The following VEPH1 variants were observed in gnomAD, a reference collection of about 807,000 sequenced individuals.
The protein encoded by VEPH1 is ventricular zone expressed PH domain containing 1.
VEPH1 carries 80 observed loss-of-function variants against 85.2 expected under a neutral mutation model. The ratio of observed to expected loss-of-function variants is 0.94; its 90% confidence interval spans 0.78 to 1.13. The LOEUF is 1.13. VEPH1 is among the 50% of genes most tolerant of loss of function. The pLI is 0.00. For missense variants in VEPH1, 955 were observed against 980.5 expected (o/e 0.97, Z 0.35); for synonymous variants, 297 against 348.0 (o/e 0.85, Z 1.63).
chr3:157,461,842 C>T (rs957125860), intron 3 of VEPH1, among the ~76,000 whole-genome samples: 16 of 151,908 alleles, frequency 1.1e-4, no homozygotes, highest in Non-Finnish European at 2.9e-5. Context: ...AGGAGAACAT[C>T]TCGATGGCCT....
chr3:157,492,065 GAGGA>G (rs1739257359), intron 2 of VEPH1, among the ~76,000 whole-genome samples: 1 of 152,094 alleles, frequency 6.6e-6, no homozygotes, highest in Non-Finnish European at 1.5e-5. Flanking sequence ...ATTGTCCTTT[GAGGA>G]TTAAACCAAT....
chr3:157,374,412 C>T (rs1164896277), intron 7 of VEPH1, among the ~76,000 whole-genome samples: 1 of 152,240 alleles, frequency 6.6e-6, no homozygotes, highest in African/African-American at 2.4e-5. Flanking sequence ...TGGTTCTGAA[C>T]TGACTCGTGT....
At chr3:157,435,546 T>A (rs1733500816) in intron 4 of VEPH1, among the ~76,000 whole-genome samples, 1 of 152,208 alleles carries the variant, frequency 6.6e-6, no homozygotes, top group African/African-American at 2.4e-5. Context: ...CATGAGGATC[T>A]CCCTTCTAAC....
At chr3:157,324,519 G>GT (rs1320514594) in intron 9 of VEPH1, among the ~76,000 whole-genome samples, 2 of 152,056 alleles carry the variant, frequency 1.3e-5, no homozygotes, top group Admixed American at 6.6e-5. Context: ...ACAGGCCTCA[G>GT]TATGTGTTGC....
At chr3:157,379,961 A>G (rs529261551) in intron 7 of VEPH1, among the ~76,000 whole-genome samples, 12 of 152,348 alleles carry the variant, frequency 7.9e-5, no homozygotes, top group Non-Finnish European at 1.5e-4. Context: ...GATTACATAC[A>G]TAAAGGGCTT....
chr3:157,306,447 A>G (rs186732260), intron 11 of VEPH1, among the ~76,000 whole-genome samples: 60 of 152,240 alleles, frequency 3.9e-4, no homozygotes, highest in Admixed American at 2.0e-3. Flanking sequence ...TTAAAACTCA[A>G]TATCATATTT....
intron 4 of VEPH1, chr3:157,443,083 C>T (rs1734268135): frequency 7.5e-7 from 1 of 1,325,862 alleles, no homozygotes; most frequent in African/African-American, 1.5e-5. Context: ...ACACTTGAGA[C>T]TAATGAAAGA....
intron 12 of VEPH1, among the ~76,000 whole-genome samples, chr3:157,275,444 C>T (rs1372860662): frequency 6.6e-6 from 1 of 151,958 alleles, no homozygotes; most frequent in Non-Finnish European, 1.5e-5. Flanking sequence ...GGTGTGGTGG[C>T]ATGCGCCTGT....
intron 7 of VEPH1, among the ~76,000 whole-genome samples, chr3:157,368,570 C>T (rs1727005480): frequency 6.6e-6 from 1 of 152,048 alleles, no homozygotes; most frequent in Admixed American, 6.5e-5. Context: ...TGGCTCACTG[C>T]AAGCTCTGCT....
At chr3:157,492,460 G>A (rs542341927) in intron 2 of VEPH1, among the ~76,000 whole-genome samples, 1 of 152,280 alleles carries the variant, frequency 6.6e-6, no homozygotes, top group South Asian at 2.1e-4. Flanking sequence ...GCTACAACAT[G>A]AGGTGCTGTA....
intron 4 of VEPH1, among the ~76,000 whole-genome samples, chr3:157,434,495 GCAGATGAGGGT>G (rs765396025): frequency 3.3e-5 from 5 of 151,858 alleles, no homozygotes; most frequent in Non-Finnish European, 7.4e-5. Context: ...AATTTTTTGT[GCAGATGAGGGT>G]CTTGCTATGT....
chr3:157,488,678 T>C (rs1048356552), intron 2 of VEPH1, among the ~76,000 whole-genome samples: 5 of 151,938 alleles, frequency 3.3e-5, no homozygotes, highest in Admixed American at 1.3e-4. Context: ...AAAATTATAA[T>C]GGCCAGCCCA....
intron 7 of VEPH1, among the ~76,000 whole-genome samples, chr3:157,366,141 A>G (rs1295262255): frequency 6.6e-6 from 1 of 152,236 alleles, no homozygotes; most frequent in Non-Finnish European, 1.5e-5. Flanking sequence ...CTGAGGGTTT[A>G]GGAGCTGTAT....
chr3:157,380,325 T>G (rs886681956), intron 7 of VEPH1, among the ~76,000 whole-genome samples: 2 of 152,156 alleles, frequency 1.3e-5, no homozygotes, highest in African/African-American at 4.8e-5. Context: ...CTGGACTGAT[T>G]ATACCCTGCC....
At chr3:157,452,450 G>A (rs1735050823) in intron 4 of VEPH1, among the ~76,000 whole-genome samples, 2 of 152,180 alleles carry the variant, frequency 1.3e-5, no homozygotes, top group African/African-American at 4.8e-5. Context: ...CACAAGGGGA[G>A]AACCTCTAAT....
rs565204787 is a variant in VEPH1 at position 157,295,440 on chromosome 3, TA to T, written c.2011-8767del. Among the ~76,000 whole-genome samples the T allele has an allele frequency of 8.0e-3, 1,131 of 141,548 alleles. 18 individuals are homozygous for T. Among genetic ancestry groups the T allele is most frequent in the African/African-American group, 0.025 (953 of 38,768 alleles). The allele number at this position is 141,548 out of a possible 152,430, so 92.9% of individuals were successfully genotyped here. On this transcript the variant is annotated intron_variant, in intron 11 of 13. Transcript: ENST00000362010. Reference sequence around the variant, plus strand: ...GAGCAAGACCCTGTCTTGAAAAAATTAAAAAAAAAAAAGAATTATCATTTTG... The same window carrying T: ...GAGCAAGACCCTGTCTTGAAAAAATTAAAAAAAAAAAGAATTATCATTTTG...
intron 9 of VEPH1, among the ~76,000 whole-genome samples, chr3:157,346,853 C>T (rs554049954): frequency 6.6e-6 from 1 of 152,116 alleles, no homozygotes; most frequent in Non-Finnish European, 1.5e-5. Flanking sequence ...TGGGCTCAAG[C>T]TATCCTATTG....
At position 157,350,223 on chromosome 3, in the gene VEPH1, C is replaced by T. The variant is rs114944566; in HGVS notation, c.1735+13141G>A. ...ACCTAGAAATTAATCCACATATCTGCGGCCAATTAATTTTTGACAAAATGC... is the reference window on the plus strand; with the variant it reads ...ACCTAGAAATTAATCCACATATCTGTGGCCAATTAATTTTTGACAAAATGC... On this transcript the variant is annotated intron_variant, in intron 9 of 13. Coordinates refer to ENST00000362010, the MANE Select transcript of VEPH1 (RefSeq NM_001167912.2). 4.6e-5 allele frequency among the ~76,000 whole-genome samples: 7 copies of T among 152,234 alleles called. No homozygotes were observed. In the South Asian group the frequency reaches 6.2e-4, roughly 14 times the overall value.
At chr3:157,477,530 A>C (rs1737597604) in intron 2 of VEPH1, among the ~76,000 whole-genome samples, 1 of 152,116 alleles carries the variant, frequency 6.6e-6, no homozygotes, top group African/African-American at 2.4e-5. Flanking sequence ...GATGCATACC[A>C]ATTGCAGCCT....
Sources: allele counts gnomAD v4.1 joint callset (sites outside exome capture counted in the v4.1 genomes callset), GRCh38; gene constraint gnomAD v4.1.1; transcripts MANE v1.5; gene names NCBI Gene and HGNC (gene_info 2026-07-23, HGNC 2026-07-21).